The following CCDC43 variants were observed in gnomAD, a reference collection of about 807,000 sequenced individuals.
CCDC43 encodes the protein coiled-coil domain-containing protein 43.
Under a neutral mutation model 33.3 loss-of-function variants are expected in CCDC43, and 20 were observed. That is an observed-to-expected ratio of 0.60 (90% confidence interval 0.42 to 0.87). The LOEUF is 0.87. CCDC43 is among the 40% of genes least tolerant of loss of function. The pLI, the probability that CCDC43 is intolerant of heterozygous loss-of-function variation, is 0.00. For missense variants in CCDC43, 248 were observed against 269.9 expected (o/e 0.92, Z 0.57); for synonymous variants, 104 against 106.5 (o/e 0.98, Z 0.14).
At chr17:44,679,907 A>G (rs528417043) in intron 4 of CCDC43, among the ~76,000 whole-genome samples, 57 of 152,218 alleles carry the variant, frequency 3.7e-4, no homozygotes, top group African/African-American at 1.2e-3. Context: ...AAAAAGAAAA[A>G]AAAAAGTGTT....
At position 44,684,011 on chromosome 17, in the gene CCDC43, T is replaced by C. The variant is rs191820391; in HGVS notation, c.205-52A>G. 1.9e-3 allele frequency: 2,283 copies of C among 1,179,176 alleles called. 41 individuals carry two copies. In the Admixed American group the frequency reaches 0.035, roughly 18 times the overall value. 73.0% of individuals were successfully genotyped at this position (1,179,176 alleles called of 1,614,324 possible). On this transcript the variant is annotated intron_variant, in intron 1 of 4. Transcript: ENST00000315286. The stretch of plus-strand genomic sequence containing the variant: ...TTCCTGAGGGAGCCCTCAAAAACAA[T>C]AGTAACCTCAAAAAAGCCTATGAAG...
At chr17:44,687,884 T>TA (rs897150352) in intron 1 of CCDC43, 1 of 152,182 alleles carries the variant, frequency 6.6e-6, no homozygotes, top group African/African-American at 2.4e-5. Context: ...CAGGCTGTGT[T>TA]AAAGTTTTCC....
chr17:44,689,479 G>A (rs1369817533), intron 1 of CCDC43, 71 bp downstream of exon 1: 1 of 1,594,942 alleles, frequency 6.3e-7, no homozygotes, highest in Non-Finnish European at 8.5e-7. Flanking sequence ...GGTAGGGGAG[G>A]GAGGGTGCAA....
intron 1 of CCDC43, chr17:44,689,277 AC>A: frequency 4.0e-6 from 2 of 498,184 alleles, no homozygotes; most frequent in Non-Finnish European, 7.2e-6. Flanking sequence ...CTTCGGAAGA[AC>A]CCTCCTCGGC....
intron 1 of CCDC43, 119 bp from the exon 2 acceptor site, chr17:44,684,078 G>A: frequency 1.5e-6 from 1 of 680,186 alleles, no homozygotes; most frequent in East Asian, 2.7e-5. Context: ...GAAGGGTCTG[G>A]GAGCCACAAT....
chr17:44,680,569 G>C lies in CCDC43; in HGVS notation c.487+16C>G. 6.3e-7 allele frequency: 1 copy of C among 1,588,734 alleles called. No individual in the cohort carries two copies. The highest frequency in any genetic ancestry group is 1.1e-5 in the South Asian group (1 of 90,068). On this transcript the variant is annotated intron_variant, in intron 4 of 4. Transcript: ENST00000315286. ...ACTCTATGGAGAAACACATAGGGAG[G>C]GACCCAGAAGGATACGTTTGTCAGA...
At chr17:44,681,353 G>C (rs1972158928) in intron 3 of CCDC43, among the ~76,000 whole-genome samples, 1 of 152,134 alleles carries the variant, frequency 6.6e-6, no homozygotes, top group African/African-American at 2.4e-5. Flanking sequence ...CAGGAGAATG[G>C]CTTGAACCCG....
In CCDC43 at chr17:44,689,625, G is replaced by A. The variant is rs947970133; in HGVS notation, c.129C>T (p.Tyr43=). The part of the protein sequence containing the change: ...LGVDRAVYGA[Y]ILGILQEEEE... ...CCTCCTCCTGCAGGATACCCAAGATGTAGGCTCCATAAACGGCTCGGTCCA... is the reference window on the plus strand; with the variant it reads ...CCTCCTCCTGCAGGATACCCAAGATATAGGCTCCATAAACGGCTCGGTCCA... Residue 43 remains tyrosine, a synonymous_variant, in exon 1 of 5, where the codon TAC becomes TAT. Transcript: ENST00000315286. 1.9e-6 allele frequency: 3 copies of A among 1,614,016 alleles called. No homozygotes were observed. The highest frequency in any genetic ancestry group is 1.3e-5 in the African/African-American group (1 of 75,076).
In CCDC43 at chr17:44,689,572, T is replaced by G. The variant is rs1251687857; in HGVS notation, c.182A>C (p.Gln61Pro). 6.2e-7 allele frequency: 1 copy of G among 1,613,992 alleles called. No individual in the cohort carries two copies. Among genetic ancestry groups the G allele is most frequent in the Admixed American group, 1.7e-5 (1 of 60,024 alleles). ...EEEEEKLDAL[Q>P]GILSAFLEED... ...CACCAGGAAAGCAGAGAGGATCCCC[T>G]GCAGAGCGTCCAGCTTCTCTTCTTC... Residue 61 changes from glutamine to proline, a missense_variant, in exon 1 of 5, where the codon CAG (glutamine) becomes CCG (proline). By Grantham distance (76) the Gln-to-Pro change is moderately conservative. Transcript: ENST00000315286.
chr17:44,680,052 A>T (rs1381774969), intron 4 of CCDC43, among the ~76,000 whole-genome samples: 1 of 151,916 alleles, frequency 6.6e-6, no homozygotes, highest in Non-Finnish European at 1.5e-5. Flanking sequence ...ATCTCGGCTC[A>T]CTGCAGCCTT....
intron 3 of CCDC43, among the ~76,000 whole-genome samples, chr17:44,680,880 T>C (rs1397876293): frequency 6.6e-6 from 1 of 152,202 alleles, no homozygotes; most frequent in African/African-American, 2.4e-5. Context: ...TCTGGGTGGA[T>C]TGCCACATTA....
intron 1 of CCDC43, chr17:44,689,252 C>A (rs188765250): frequency 1.0e-3 from 439 of 433,392 alleles, no homozygotes; most frequent in African/African-American, 2.7e-3. Flanking sequence ...CATTCCCATT[C>A]TGACATTTCA....
intron 1 of CCDC43, 126 bp downstream of exon 1, chr17:44,689,424 G>A: frequency 7.2e-7 from 1 of 1,384,326 alleles, no homozygotes; most frequent in African/African-American, 1.4e-5. Flanking sequence ...GATATCAGAG[G>A]AGTATACCTC....
chr17:44,681,951 A>G, intron 3 of CCDC43, 52 bp downstream of exon 3: 1 of 1,610,556 alleles, frequency 6.2e-7, no homozygotes, highest in South Asian at 1.1e-5. Context: ...AAACCCACAA[A>G]TATGTCTGGC....
At chr17:44,679,113 A>G in intron 4 of CCDC43, 70 bp from the exon 5 acceptor site, 2 of 1,247,988 alleles carry the variant, frequency 1.6e-6, no homozygotes, top group Non-Finnish European at 2.2e-6. Context: ...TCCTCATTCT[A>G]CTTATCCTCT....
intron 1 of CCDC43, 164 bp downstream of exon 1, chr17:44,689,386 G>A (rs1172515843): frequency 2.0e-6 from 2 of 1,010,066 alleles, no homozygotes; most frequent in South Asian, 1.7e-5. Context: ...CACCTGGTTG[G>A]GGAGCAACCT....
At position 44,679,034 on chromosome 17, in the gene CCDC43, C is replaced by G; in HGVS notation, c.497G>C (p.Arg166Pro). Residue 166 changes from arginine (R) to proline (P), a missense_variant, in exon 5 of 5, where the codon CGA (arginine) becomes CCA (proline). Transcript: ENST00000315286. ...MNIGSDKLLF[R>P]NTNVEDVLNA... ...AAGGACATCTTCCACATTGGTGTTT[C>G]GGAACAGAACTACAGGTGAGTTAAG... The G allele has an allele frequency of 1.2e-6, 2 of 1,613,398 alleles. No individual in the cohort carries two copies. Among genetic ancestry groups the G allele is most frequent in the Non-Finnish European group, 1.7e-6 (2 of 1,179,666 alleles).
In CCDC43 at chr17:44,689,709, G is replaced by T; in HGVS notation, c.45C>A (p.Gly15=). ...SEVAAIAPGE[G]DGGGGGFGSW... The stretch of plus-strand genomic sequence containing the variant: ...AGCCAAAGCCGCCGCCTCCGCCATC[G>T]CCTTCGCCAGGGGCTATCGCGGCCA... Residue 15 remains glycine, a synonymous_variant, in exon 1 of 5, where the codon GGC becomes GGA. Coordinates refer to ENST00000315286, the MANE Select transcript of CCDC43 (RefSeq NM_144609.3). 6.3e-7 allele frequency: 1 copy of T among 1,599,342 alleles called. No homozygotes were observed. The highest frequency in any genetic ancestry group is 8.5e-7 in the Non-Finnish European group (1 of 1,173,608).
chr17:44,689,033 G>A (rs1370389382), intron 1 of CCDC43: 1 of 157,748 alleles, frequency 6.3e-6, no homozygotes, highest in East Asian at 1.9e-4. Flanking sequence ...GTTCTGCGTG[G>A]GCATGAAAAG....
Sources: allele counts gnomAD v4.1 joint callset (sites outside exome capture counted in the v4.1 genomes callset), GRCh38; gene constraint gnomAD v4.1.1; transcripts MANE v1.5; gene names NCBI Gene and HGNC (gene_info 2026-07-23, HGNC 2026-07-21).